CHD1L: variants seen among roughly 807,000 people sequenced by gnomAD.
CHD1L encodes the protein ATP-dependent chromatin remodeler CHD1L.
In CHD1L, 118 loss-of-function variants were observed where a neutral mutation model predicts 115.9. The ratio of observed to expected loss-of-function variants is 1.02; its 90% CI spans 0.88 to 1.19. The LOEUF is 1.19. CHD1L is among the 50% of genes most tolerant of loss of function. The probability of loss-of-function intolerance (pLI) is 0.00; values close to 1 mark genes in which losing one functional copy is unlikely to be tolerated. For missense variants in CHD1L, 1,179 were observed against 1,065.3 expected, an observed-to-expected ratio of 1.11 and a Z score of -1.49; for synonymous variants, 411 against 387.1, an observed-to-expected ratio of 1.06 and a Z score of -0.72.
rs189382387 is a variant in CHD1L at position 147,266,290 on chromosome 1, C to A, written c.895+203C>A. On this transcript the variant is annotated intron_variant, in intron 8 of 22. Coordinates refer to ENST00000369258, the MANE Select transcript of CHD1L (RefSeq NM_004284.6). ...CTTGGTTGTTGCAGTTGTGAAATTT[C>A]CTTTTCTCCCCTCACTCAGTTTTTC... Among the ~76,000 whole-genome samples the A allele has an allele frequency of 4.4e-3, 668 of 152,162 alleles. 9 individuals carry two copies. Among genetic ancestry groups the A allele is most frequent in the African/African-American group, 0.015 (628 of 41,496 alleles).
chr1:147,264,797 T>C (rs1163961881), intron 7 of CHD1L, among the ~76,000 whole-genome samples: 1 of 152,248 alleles, frequency 6.6e-6, no homozygotes, highest in South Asian at 2.1e-4. Flanking sequence ...TATTTGATTC[T>C]GCAGTAGGGC....
chr1:147,278,378 C>G (rs1246838510), intron 14 of CHD1L, among the ~76,000 whole-genome samples: 3 of 151,582 alleles, frequency 2.0e-5, no homozygotes, highest in Non-Finnish European at 4.4e-5. Flanking sequence ...GCGCGCACCA[C>G]CACGCCTAGC....
the CHD1L span, among the ~76,000 whole-genome samples, chr1:147,191,997 CT>C: frequency 6.6e-6 from 1 of 151,958 alleles, no homozygotes; most frequent in South Asian, 2.1e-4. Context: ...GATGCGGGCT[CT>C]TTTTTGGTTC....
intron 19 of CHD1L, among the ~76,000 whole-genome samples, chr1:147,288,347 G>GAAAGA (rs1553967881): frequency 0.035 from 4,237 of 122,206 alleles, 122 homozygotes; most frequent in Non-Finnish European, 0.044. Flanking sequence ...AAAAAAAAAA[G>GAAAGA]AAAAAGAGAA....
chr1:147,285,790 C>T (rs1170937485), intron 17 of CHD1L, among the ~76,000 whole-genome samples: 2 of 152,104 alleles, frequency 1.3e-5, no homozygotes, highest in Non-Finnish European at 2.9e-5. Flanking sequence ...CTCAACTTCC[C>T]ATGCTCAGTG....
At chr1:147,281,401 A>G (rs902574424) in intron 15 of CHD1L, among the ~76,000 whole-genome samples, 3 of 152,020 alleles carry the variant, frequency 2.0e-5, no homozygotes, top group Admixed American at 1.3e-4. Context: ...CTTAACTTCC[A>G]TAAGTTGAAG....
Position 147,284,503 on chromosome 1 carries a change from A to G in CHD1L, c.1854+4A>G. The stretch of plus-strand genomic sequence containing the variant: ...ATCACTCCGAAATAAAGGCAGTGTA[A>G]GAACTGTTAATTTATTTAAAAGTTG... On this transcript the variant is annotated splice_donor_region_variant and intron_variant, in intron 16 of 22. Transcript: ENST00000369258. 6.4e-7 allele frequency: 1 copy of G among 1,568,002 alleles called. No individual in the cohort carries two copies. Among genetic ancestry groups the G allele is most frequent in the South Asian group, 1.2e-5 (1 of 83,222 alleles).
At chr1:147,264,248 T>A (rs1355472733) in intron 6 of CHD1L, among the ~76,000 whole-genome samples, 174 bp from the exon 7 acceptor site, 2 of 152,232 alleles carry the variant, frequency 1.3e-5, no homozygotes, top group Non-Finnish European at 2.9e-5. Flanking sequence ...AGGTATTATT[T>A]CATCTGCATC....
chr1:147,282,591 CT>C (rs141745512), intron 15 of CHD1L, among the ~76,000 whole-genome samples: 2 of 152,204 alleles, frequency 1.3e-5, no homozygotes, highest in Non-Finnish European at 2.9e-5. Flanking sequence ...CCTCATAGAT[CT>C]TTTTTAAAAT....
At chr1:147,202,289 G>A in the CHD1L span, among the ~76,000 whole-genome samples, 6 of 148,256 alleles carry the variant, frequency 4.0e-5, no homozygotes, top group Admixed American at 2.7e-4. Flanking sequence ...TTCTAGTATC[G>A]TGGAGCTTTC....
intron 15 of CHD1L, among the ~76,000 whole-genome samples, chr1:147,280,889 G>C (rs1198127703): frequency 6.6e-6 from 1 of 152,180 alleles, no homozygotes; most frequent in East Asian, 1.9e-4. Context: ...GGACTGGGGT[G>C]AGAGGTTTGG....
the CHD1L span, among the ~76,000 whole-genome samples, chr1:147,173,837 G>A: frequency 6.6e-6 from 1 of 152,236 alleles, no homozygotes; most frequent in Non-Finnish European, 1.5e-5. Context: ...AGCTGGCAGA[G>A]AGCAGATCCA....
At chr1:147,267,332 T>G (rs1376163306) in intron 8 of CHD1L, 94 bp from the exon 9 acceptor site, 1 of 807,192 alleles carries the variant, frequency 1.2e-6, no homozygotes, top group East Asian at 2.6e-5. Context: ...ATAATTGAAA[T>G]GATTAAGGTT....
chr1:147,292,725 AGAGT>A (rs1427705859), intron 20 of CHD1L, among the ~76,000 whole-genome samples: 1 of 152,184 alleles, frequency 6.6e-6, no homozygotes, highest in Non-Finnish European at 1.5e-5. Context: ...GGAACAAGAG[AGAGT>A]GGGGGAAGGT....
chr1:147,287,340 C>G (rs1683559473), intron 18 of CHD1L, among the ~76,000 whole-genome samples: 1 of 152,174 alleles, frequency 6.6e-6, no homozygotes, highest in Non-Finnish European at 1.5e-5. Flanking sequence ...TCCATCTACT[C>G]TCCGTCCTTC....
At chr1:147,210,628 G>A in the CHD1L span, 1 of 152,108 alleles carries the variant, frequency 6.6e-6, no homozygotes, top group African/African-American at 2.4e-5. Flanking sequence ...GCTGAGTAAT[G>A]AAAACGCTCA....
the CHD1L span, among the ~76,000 whole-genome samples, chr1:147,216,258 A>G: frequency 3.3e-5 from 5 of 152,206 alleles, no homozygotes; most frequent in Non-Finnish European, 5.9e-5. Context: ...AAATCCAACT[A>G]CCATGAGACC....
intron 20 of CHD1L, 91 bp downstream of exon 20, chr1:147,291,643 G>A (rs973218068): frequency 3.6e-5 from 36 of 986,786 alleles, no homozygotes; most frequent in Admixed American, 3.6e-4. Flanking sequence ...CTCTCTGCTA[G>A]TGTATTAGTT....
rs147666732 is a variant in CHD1L at position 147,293,633 on chromosome 1, G to A, written c.2417G>A (p.Arg806His). The A allele has an allele frequency of 5.5e-5, 89 of 1,614,052 alleles. No homozygotes were observed. Among genetic ancestry groups the A allele is most frequent in the African/African-American group, 5.5e-4 (41 of 75,030 alleles). Reference protein sequence around the residue: ...DLLALIVAQHRDRSNVLSGIK... With the variant: ...DLLALIVAQHHDRSNVLSGIK... ...TTGGCCTTGATTGTGGCTCAGCATC[G>A]TGATCGTTCCAATGTCCTGTCTGGC... The change falls in exon 21 of 23, where the codon CGT becomes CAT. Residue 806 changes from arginine (R) to histidine (H), a missense_variant. Physicochemically the swap from Arg to His is conservative, Grantham distance 29 (BLOSUM62 0). Transcript: ENST00000369258.
Sources: allele counts gnomAD v4.1 joint callset (sites outside exome capture counted in the v4.1 genomes callset), GRCh38; gene constraint gnomAD v4.1.1; transcripts MANE v1.5; gene names NCBI Gene and HGNC (gene_info 2026-07-23, HGNC 2026-07-21).